Variants in IGSF11 observed in about 807,000 individuals in gnomAD.
IGSF11 encodes immunoglobulin superfamily member 11, also known as CXADR like 1.
IGSF11 carries 22 observed loss-of-function variants against 41.0 expected under a neutral mutation model. The observed-to-expected ratio is 0.54, with a 90% CI of 0.38 to 0.77. The LOEUF is 0.77. Among genes scored for constraint, IGSF11 ranks in the 30% least tolerant of loss-of-function variants. IGSF11 has a pLI of 0.00. For missense variants in IGSF11, 444 were observed against 530.8 expected (o/e 0.84, Z 1.61); for synonymous variants, 219 against 201.3 (o/e 1.09, Z -0.74).
intron 1 of IGSF11, among the ~76,000 whole-genome samples, chr3:118,997,541 C>T (rs1226666044): frequency 3.7e-5 from 5 of 136,918 alleles, no homozygotes; most frequent in Non-Finnish European, 7.9e-5. Context: ...CCCCCAGCCA[C>T]ACCACCCCCC....
chr3:118,993,222 C>T (rs921112382), intron 1 of IGSF11, among the ~76,000 whole-genome samples: 1 of 151,974 alleles, frequency 6.6e-6, no homozygotes, highest in African/African-American at 2.4e-5. Context: ...AGCAAGATCC[C>T]AATGAAGTAA....
chr3:118,916,815 C>G (rs1191154131), intron 4 of IGSF11, among the ~76,000 whole-genome samples: 1 of 151,686 alleles, frequency 6.6e-6, no homozygotes, highest in African/African-American at 2.4e-5. Flanking sequence ...TTTTTTTCAG[C>G]ACCACACCAC....
chr3:119,104,684 A>G (rs1576802847), intron 1 of IGSF11, among the ~76,000 whole-genome samples: 2 of 152,278 alleles, frequency 1.3e-5, no homozygotes, highest in Middle Eastern at 3.4e-3. Flanking sequence ...TGTAGCTGCA[A>G]CTGAACTCCA....
At chr3:119,131,725 G>C (rs1220265093) in intron 1 of IGSF11, among the ~76,000 whole-genome samples, 3 of 152,058 alleles carry the variant, frequency 2.0e-5, no homozygotes, top group East Asian at 3.9e-4. Flanking sequence ...TCCTCAAGAA[G>C]ACTAACCCCA....
chr3:119,097,434 C>CGATG (rs1405657742), intron 1 of IGSF11, among the ~76,000 whole-genome samples: 2,974 of 152,156 alleles, frequency 0.02, 86 homozygotes, highest in African/African-American at 0.067. Context: ...CTCTGGGGAG[C>CGATG]AAACTGCTTA....
intron 1 of IGSF11, among the ~76,000 whole-genome samples, chr3:118,983,056 C>A (rs1314032607): frequency 6.6e-6 from 1 of 152,134 alleles, no homozygotes; most frequent in African/African-American, 2.4e-5. Context: ...AAGCACATAG[C>A]CCCAACATAA....
intron 4 of IGSF11, chr3:118,925,818 T>C (rs927641895): frequency 5.3e-6 from 1 of 188,360 alleles, no homozygotes; most frequent in Admixed American, 6.1e-5. Context: ...TATCTTACAG[T>C]TAACACAAAG....
chr3:119,138,549 G>T (rs911703132), intron 1 of IGSF11, among the ~76,000 whole-genome samples: 6 of 152,178 alleles, frequency 3.9e-5, no homozygotes, highest in African/African-American at 1.4e-4. Flanking sequence ...TCTAGGCATG[G>T]TGGCACATGC....
chr3:118,961,953 G>A (rs1945365886), intron 1 of IGSF11, among the ~76,000 whole-genome samples: 1 of 152,232 alleles, frequency 6.6e-6, no homozygotes, highest in South Asian at 2.1e-4. Flanking sequence ...AATAAATGTG[G>A]TATGCCCCAT....
Position 118,926,112 on chromosome 3 carries a change from G to C in IGSF11, c.569C>G (p.Thr190Arg). Reference protein sequence around the residue: ...KLDNTLKLPPTATQDQVQGTV... With the variant: ...KLDNTLKLPPRATQDQVQGTV... ...AGCACTGTACATACCCTGAGTAGCTGTTGGAGGTAGTTTGAGGGTATTGTC... is the reference window on the plus strand; with the variant it reads ...AGCACTGTACATACCCTGAGTAGCTCTTGGAGGTAGTTTGAGGGTATTGTC... Residue 190 changes from threonine (T) to arginine (R), a missense_variant, in exon 4 of 7, where the codon ACA (threonine) becomes AGA (arginine). Coordinates refer to ENST00000393775, the MANE Select transcript of IGSF11 (RefSeq NM_001015887.3). 6.2e-7 allele frequency: 1 copy of C among 1,607,116 alleles called. No homozygotes were observed. Among genetic ancestry groups the C allele is most frequent in the Non-Finnish European group, 8.5e-7 (1 of 1,175,716 alleles).
At chr3:118,945,233 T>A (rs979672272) in intron 1 of IGSF11, among the ~76,000 whole-genome samples, 10 of 151,672 alleles carry the variant, frequency 6.6e-5, no homozygotes, top group Non-Finnish European at 1.3e-4. Flanking sequence ...GGAAAGAAAA[T>A]AGCATGTATT....
chr3:119,114,156 C>G (rs1488282685), intron 1 of IGSF11, among the ~76,000 whole-genome samples: 2 of 152,230 alleles, frequency 1.3e-5, no homozygotes, highest in Non-Finnish European at 2.9e-5. Context: ...ATCTAAAATG[C>G]CTTCAAGGCA....
chr3:119,117,980 A>G (rs1205143372), intron 1 of IGSF11, among the ~76,000 whole-genome samples: 1 of 152,212 alleles, frequency 6.6e-6, no homozygotes, highest in Admixed American at 6.5e-5. Context: ...GTGGGTTCCC[A>G]TGGTCTTGGA....
intron 1 of IGSF11, among the ~76,000 whole-genome samples, chr3:118,973,341 A>G (rs1933674643): frequency 6.6e-6 from 1 of 152,238 alleles, no homozygotes; most frequent in African/African-American, 2.4e-5. Context: ...AATCCATTCA[A>G]TGCATCTAGG....
intron 1 of IGSF11, among the ~76,000 whole-genome samples, chr3:119,116,492 G>A (rs2077257751): frequency 6.6e-6 from 1 of 152,042 alleles, no homozygotes; most frequent in African/African-American, 2.4e-5. Flanking sequence ...TTATATCAGT[G>A]AAAAAATTAT....
At position 118,904,728 on chromosome 3, in the gene IGSF11, A is replaced by C; in HGVS notation, c.774T>G (p.Ile258Met). 6.2e-7 allele frequency: 1 copy of C among 1,613,534 alleles called. No homozygotes were observed. Among genetic ancestry groups the C allele is most frequent in the Non-Finnish European group, 8.5e-7 (1 of 1,179,512 alleles). ...GTGAVIIIFC[I>M]ALILGAFFYW... ...AAAAGAATGCCCCTAAAATTAGTGC[A>C]ATGCAAAAAATGATAATAACTGCAC... The change falls in exon 6 of 7, where the codon ATT (isoleucine) becomes ATG (methionine). Residue 258 changes from isoleucine to methionine, a missense_variant. By Grantham distance (10) the Ile-to-Met change is conservative. This residue lies in a region of IGSF11 where 223 missense variants were observed against 226.2 expected (regional missense o/e 0.99). Coordinates refer to ENST00000393775, the MANE Select transcript of IGSF11 (RefSeq NM_001015887.3).
intron 1 of IGSF11, among the ~76,000 whole-genome samples, chr3:119,124,413 C>T (rs1394519358): frequency 6.6e-6 from 1 of 150,958 alleles, no homozygotes; most frequent in Non-Finnish European, 1.5e-5. Context: ...ATTACAGGTG[C>T]CTGCCACCAT....
At chr3:119,056,807 G>C (rs1349963203) in intron 1 of IGSF11, among the ~76,000 whole-genome samples, 1 of 152,164 alleles carries the variant, frequency 6.6e-6, no homozygotes, top group African/African-American at 2.4e-5. Context: ...GGGATGCAAG[G>C]CTGGTTCAAC....
chr3:118,917,186 C>T (rs1297111732), intron 4 of IGSF11, among the ~76,000 whole-genome samples: 4 of 146,502 alleles, frequency 2.7e-5, no homozygotes, highest in African/African-American at 1.0e-4. Flanking sequence ...CCTAACATCA[C>T]AATTAAAAGA....
Sources: allele counts gnomAD v4.1 joint callset (sites outside exome capture counted in the v4.1 genomes callset), GRCh38; gene constraint gnomAD v4.1.1; regional missense constraint gnomAD v4.1.1; transcripts MANE v1.5; gene names NCBI Gene and HGNC (gene_info 2026-07-23, HGNC 2026-07-21).